Variants in TNNT1 observed in about 807,000 individuals in gnomAD.
TNNT1 encodes troponin T, slow skeletal muscle.
Under a neutral mutation model 50.6 loss-of-function variants are expected in TNNT1, and 53 were observed. The ratio of observed to expected loss-of-function variants is 1.05; its 90% CI spans 0.84 to 1.32. TNNT1 has a LOEUF of 1.32. Ranked by LOEUF, TNNT1 falls within the 40% of genes most tolerant of loss-of-function variation. The probability of loss-of-function intolerance (pLI) is 0.00; values close to 1 mark genes in which losing one functional copy is unlikely to be tolerated. For missense variants in TNNT1, 348 were observed against 381.7 expected (o/e 0.91, Z 0.74); for synonymous variants, 142 against 138.0 (o/e 1.03, Z -0.20).
rs769330418 is a variant in TNNT1, at chr19:55,141,189, G to A, written c.306C>T (p.Arg102=). Residue 102 remains arginine (R), a synonymous_variant, in exon 8 of 14, where the codon CGC becomes CGT. Coordinates refer to ENST00000588981, the MANE Select transcript of TNNT1 (RefSeq NM_003283.6). ...EEEELVALKE[R]IERRRSERAE... ...GGAACCCGGACTCTCGGCTCACAAT[G>A]CGCTCCTTCAAGGCAACCAGCTCCT... 6.2e-7 allele frequency: 1 copy of A among 1,613,732 alleles called. No individual in the cohort carries two copies. Among genetic ancestry groups the A allele is most frequent in the East Asian group, 2.2e-5 (1 of 44,882 alleles).
chr19:55,148,483 C>G (rs141490098), intron 1 of TNNT1, among the ~76,000 whole-genome samples: 1 of 151,972 alleles, frequency 6.6e-6, no homozygotes, highest in Non-Finnish European at 1.5e-5. Flanking sequence ...GATTCTGAGA[C>G]CCCGATTTAT....
At chr19:55,146,742 A>G in intron 3 of TNNT1, 35 bp from the exon 4 acceptor site, 1 of 1,470,716 alleles carries the variant, frequency 6.8e-7, no homozygotes, top group Non-Finnish European at 9.0e-7. Flanking sequence ...AGGCGTTAGG[A>G]GCTGGGGGAG....
At chr19:55,138,680 G>C (rs1167478831) in intron 9 of TNNT1, among the ~76,000 whole-genome samples, 1 of 152,188 alleles carries the variant, frequency 6.6e-6, no homozygotes, top group Non-Finnish European at 1.5e-5. Context: ...AGCCGATAGT[G>C]AACTCTGCTG....
At position 55,146,572 on chromosome 19, in the gene TNNT1, G is replaced by C; in HGVS notation, c.74-106C>G. On this transcript the variant is annotated intron_variant, in intron 4 of 13. Coordinates refer to ENST00000588981, the MANE Select transcript of TNNT1 (RefSeq NM_003283.6). The stretch of plus-strand genomic sequence containing the variant: ...GGAAGAGACGTGAGAGGCTGTTAGA[G>C]GACCGGGAGCCGAGGCCGTCGGGAG... 3 of 1,191,136 alleles carry C rather than the reference G, an allele frequency of 2.5e-6. No homozygotes were observed. The East Asian group carries it at 8.5e-5, about 34-fold the overall frequency. 73.8% of individuals were successfully genotyped at this position (1,191,136 alleles called of 1,614,324 possible).
At chr19:55,140,813 T>TC in intron 9 of TNNT1, 70 bp downstream of exon 9, 3 of 1,107,658 alleles carry the variant, frequency 2.7e-6, no homozygotes, top group Non-Finnish European at 3.9e-6. Flanking sequence ...ATAATAATAA[T>TC]AATAATAACA....
At chr19:55,133,507 G>A (rs949697957) in intron 13 of TNNT1, 13 of 334,276 alleles carry the variant, frequency 3.9e-5, no homozygotes, top group African/African-American at 6.4e-5. Flanking sequence ...GTGAAACCCC[G>A]TCTCTACTAA....
intron 5 of TNNT1, among the ~76,000 whole-genome samples, chr19:55,145,811 C>G (rs1043405587): frequency 6.6e-6 from 1 of 151,926 alleles, no homozygotes; most frequent in Non-Finnish European, 1.5e-5. Flanking sequence ...TGTGGGGACC[C>G]CCCACCCCCA....
chr19:55,140,830 G>T, intron 9 of TNNT1, 53 bp downstream of exon 9: 1 of 1,322,204 alleles, frequency 7.6e-7, no homozygotes, highest in Non-Finnish European at 1.1e-6. Context: ...AACAAAATGG[G>T]CATCCGGCTG....
At chr19:55,144,639 C>T (rs964237485) in intron 6 of TNNT1, among the ~76,000 whole-genome samples, 2 of 152,152 alleles carry the variant, frequency 1.3e-5, no homozygotes, top group Non-Finnish European at 2.9e-5. Flanking sequence ...TCCCACCTGC[C>T]GCTGCGCAGG....
intron 9 of TNNT1, 92 bp downstream of exon 9, chr19:55,140,791 A>T: frequency 1.4e-6 from 1 of 714,026 alleles, no homozygotes; most frequent in South Asian, 4.0e-5. Flanking sequence ...AATAATAATA[A>T]TAGTAATAAT....
intron 6 of TNNT1, among the ~76,000 whole-genome samples, chr19:55,143,132 G>A (rs1426728643): frequency 2.7e-5 from 4 of 149,992 alleles, no homozygotes; most frequent in African/African-American, 4.9e-5. Flanking sequence ...TCGTGCCATC[G>A]CACTCCAGCC....
intron 9 of TNNT1, among the ~76,000 whole-genome samples, chr19:55,140,174 T>G (rs2085424656): frequency 7.0e-6 from 1 of 143,320 alleles, no homozygotes; most frequent in African/African-American, 2.6e-5. Context: ...AAATGGAGAA[T>G]CCAGGCCGGG....
At chr19:55,135,783 A>G (rs2085337006) in intron 11 of TNNT1, among the ~76,000 whole-genome samples, 1 of 152,024 alleles carries the variant, frequency 6.6e-6, no homozygotes, top group African/African-American at 2.4e-5. Context: ...AGCCTCCCAA[A>G]GTGCTGGGAT....
At chr19:55,143,212 G>T (rs989885159) in intron 6 of TNNT1, among the ~76,000 whole-genome samples, 2 of 151,740 alleles carry the variant, frequency 1.3e-5, no homozygotes, top group African/African-American at 4.8e-5. Flanking sequence ...GTTGTCCAGG[G>T]TGGTCTTGAA....
intron 1 of TNNT1, among the ~76,000 whole-genome samples, chr19:55,147,683 C>CTGAGGGCGGAGGGGCTGGAGGCT (rs1555860239): frequency 1.1e-5 from 1 of 90,416 alleles, no homozygotes; most frequent in Non-Finnish European, 2.2e-5. Flanking sequence ...GGGCTGGGGT[C>CTGAGGGCGGAGGGGCTGGAGGCT]TGGACTCCTG....
At chr19:55,146,927 A>G in intron 3 of TNNT1, 81 bp downstream of exon 3, 1 of 1,484,904 alleles carries the variant, frequency 6.7e-7, no homozygotes, top group Non-Finnish European at 9.0e-7. Context: ...TTCCCCGCCA[A>G]AGTGCCACAC....
At position 55,140,951 on chromosome 19, in the gene TNNT1, G is replaced by C; in HGVS notation, c.319C>G (p.Arg107Gly). 6.2e-7 allele frequency: 1 copy of C among 1,613,920 alleles called. No individual in the cohort carries two copies. The highest frequency in any genetic ancestry group is 8.5e-7 in the Non-Finnish European group (1 of 1,180,028). Residue 107 changes from arginine (R) to glycine (G), a missense_variant, in exon 9 of 14, where the codon CGG becomes GGG. Physicochemically the swap from Arg to Gly is moderately radical, Grantham distance 125. Transcript: ENST00000588981. Reference sequence around the variant, plus strand: ...CGCTGTTGCTCGGCTCTCTCTGACCGGCGCCGCTCCTGGGAAACGGAGAAG... The same window carrying C: ...CGCTGTTGCTCGGCTCTCTCTGACCCGCGCCGCTCCTGGGAAACGGAGAAG... ...VALKERIERR[R>G]SERAEQQRFR...
In TNNT1 at chr19:55,143,148, G is replaced by A. The variant is rs545354136; in HGVS notation, c.129-1228C>T. Among the ~76,000 whole-genome samples, 46 of 148,648 alleles carry A rather than the reference G, an allele frequency of 3.1e-4. 1 individual carries two copies. In the South Asian group the frequency reaches 9.9e-3, roughly 32 times the overall value. ...CGTGCCATCGCACTCCAGCCTGGGT[G>A]ACAGAGGGAGACTCTATCTCAAAAA... On this transcript the variant is annotated intron_variant, in intron 6 of 13. Transcript: ENST00000588981.
In TNNT1 at chr19:55,145,305, A is replaced by AAGAAGGGGAAGGAGAAGG; in HGVS notation, c.128+221_128+238dup. Reference sequence around the variant, plus strand: ...GGTGGAGACTATGACCACGATGAAGAAGAAGGGGAAGGAGAAGGAGAAGGG... The same window carrying AAGAAGGGGAAGGAGAAGG: ...GGTGGAGACTATGACCACGATGAAGAAGAAGGGGAAGGAGAAGGAGAAGGGGAAGGAGAAGGAGAAGGG... On this transcript the variant is annotated intron_variant, in intron 6 of 13. Transcript: ENST00000588981. 5.3e-6 allele frequency: 3 copies of AAGAAGGGGAAGGAGAAGG among 571,396 alleles called. No homozygotes were observed. In the East Asian group the frequency reaches 8.9e-5, roughly 17 times the overall value. The allele number at this position is 571,396 out of a possible 1,614,324, so 35.4% of individuals were successfully genotyped here. A position where few individuals can be genotyped will look rare whatever the true frequency, so the allele number is the denominator to read the frequency against.
Sources: allele counts gnomAD v4.1 joint callset (sites outside exome capture counted in the v4.1 genomes callset), GRCh38; gene constraint gnomAD v4.1.1; transcripts MANE v1.5; gene names NCBI Gene and HGNC (gene_info 2026-07-23, HGNC 2026-07-21).